KIF27: variants seen among roughly 807,000 people sequenced by gnomAD.
KIF27 encodes the protein kinesin-like protein KIF27.
KIF27 carries 84 observed loss-of-function variants against 141.8 expected under a neutral mutation model. That is an observed-to-expected ratio of 0.59 (90% CI 0.50 to 0.71). The LOEUF (loss-of-function observed/expected upper bound fraction) is 0.71, where lower values mean the gene tolerates loss of function less well. KIF27 is among the 30% of genes least tolerant of loss of function. KIF27 has a pLI of 0.00. For synonymous variants in KIF27, 471 were observed against 569.5 expected, an observed-to-expected ratio of 0.83 and a Z score of 2.46; for missense variants, 1,306 against 1,628.4, an observed-to-expected ratio of 0.80 and a Z score of 3.41.
intron 17 of KIF27, among the ~76,000 whole-genome samples, chr9:83,842,020 A>G (rs1473804156): frequency 6.6e-6 from 1 of 152,212 alleles, no homozygotes; most frequent in African/African-American, 2.4e-5. Flanking sequence ...CACATGGCAG[A>G]CAATCAATAA....
At chr9:83,858,218 C>T (rs907934989) in intron 14 of KIF27, 3 of 152,042 alleles carry the variant, frequency 2.0e-5, no homozygotes, top group African/African-American at 7.2e-5. Flanking sequence ...GCCACTTAGC[C>T]CCCAATCAAG....
intron 1 of KIF27, among the ~76,000 whole-genome samples, chr9:83,918,344 A>T (rs1588352569): frequency 9.0e-6 from 1 of 110,856 alleles, no homozygotes; most frequent in Non-Finnish European, 1.8e-5. Context: ...CAGGACAGGG[A>T]GGGAGAGGAG....
At chr9:83,911,944 C>T (rs930234357) in intron 2 of KIF27, among the ~76,000 whole-genome samples, 2 of 152,024 alleles carry the variant, frequency 1.3e-5, no homozygotes, top group South Asian at 2.1e-4. Flanking sequence ...GCTTCTGTTT[C>T]GGTGATGAAA....
chr9:83,888,710 G>A, intron 7 of KIF27, 118 bp from the exon 8 acceptor site: 1 of 520,112 alleles, frequency 1.9e-6, no homozygotes, highest in South Asian at 2.8e-5. Flanking sequence ...TATAAAAACA[G>A]AATGTTACTA....
chr9:83,892,447 A>C (rs903280904), intron 5 of KIF27, among the ~76,000 whole-genome samples: 2 of 152,150 alleles, frequency 1.3e-5, no homozygotes, highest in African/African-American at 2.4e-5. Flanking sequence ...GAGTAAAACT[A>C]TAACTTCTAA....
chr9:83,883,827 T>C lies in KIF27; in HGVS notation c.2431A>G (p.Lys811Glu), dbSNP rs540980899. The C allele has an allele frequency of 3.1e-6, 5 of 1,610,224 alleles. No individual in the cohort carries two copies. In the East Asian group the frequency reaches 1.1e-4, roughly 36 times the overall value. ...KEFRKKMDAA[K>E]LRVQVLQKKQ... Reference sequence around the variant, plus strand: ...TTTTAAATTACCTGAACTCTCAGCTTTGCAGCATCCATCTTTTTACGAAAC... The same window carrying C: ...TTTTAAATTACCTGAACTCTCAGCTCTGCAGCATCCATCTTTTTACGAAAC... Residue 811 changes from lysine (K) to glutamate (E), a missense_variant, in exon 10 of 18, where the codon AAG becomes GAG. By Grantham distance (56) the Lys-to-Glu change is moderately conservative (BLOSUM62 1). Coordinates refer to ENST00000297814, the MANE Select transcript of KIF27 (RefSeq NM_017576.4).
chr9:83,871,903 T>C (rs1049943034), intron 11 of KIF27, among the ~76,000 whole-genome samples: 3 of 151,442 alleles, frequency 2.0e-5, no homozygotes, highest in Non-Finnish European at 4.4e-5. Context: ...GGTTTTACCA[T>C]GTTGGCCAGG....
At chr9:83,864,697 G>C (rs1208055378) in intron 13 of KIF27, among the ~76,000 whole-genome samples, 8 of 152,162 alleles carry the variant, frequency 5.3e-5, no homozygotes, top group Admixed American at 5.2e-4. Flanking sequence ...GGTCTGCTTG[G>C]TGCAGAGCTG....
In KIF27 at chr9:83,850,230, A is replaced by C. The variant is rs1948387283; in HGVS notation, c.3425T>G (p.Leu1142Arg). 1.2e-6 allele frequency: 2 copies of C among 1,613,678 alleles called. No individual in the cohort carries two copies. Among genetic ancestry groups the C allele is most frequent in the African/African-American group, 1.3e-5 (1 of 75,038 alleles). Residue 1142 changes from leucine (L) to arginine (R), a missense_variant, in exon 16 of 18, where the codon CTG (leucine) becomes CGG (arginine). Physicochemically the swap from Leu to Arg is moderately radical, Grantham distance 102. Coordinates refer to ENST00000297814, the MANE Select transcript of KIF27 (RefSeq NM_017576.4). Reference sequence around the variant, plus strand: ...TTCACGAACCATATTATCCCGTTCCAGAACTTTCATTTTCATTTCTTCATT... The same window carrying C: ...TTCACGAACCATATTATCCCGTTCCCGAACTTTCATTTTCATTTCTTCATT... ...LYNEEMKMKV[L>R]ERDNMVRELE...
intron 2 of KIF27, among the ~76,000 whole-genome samples, 178 bp downstream of exon 2, chr9:83,915,116 T>C (rs1328274095): frequency 6.6e-6 from 1 of 152,240 alleles, no homozygotes; most frequent in Non-Finnish European, 1.5e-5. Context: ...TTAATGAAAC[T>C]TCAATATTTA....
intron 11 of KIF27, among the ~76,000 whole-genome samples, chr9:83,871,201 A>G (rs1950763599): frequency 6.6e-6 from 1 of 152,142 alleles, no homozygotes; most frequent in Admixed American, 6.5e-5. Flanking sequence ...GATTATAGGC[A>G]TAAGTCACCA....
At chr9:83,870,141 C>CTCTCTCTATCTATCTA (rs1554777740) in intron 12 of KIF27, among the ~76,000 whole-genome samples, 74 of 151,622 alleles carry the variant, frequency 4.9e-4, no homozygotes, top group African/African-American at 1.6e-3. Context: ...CTATCTATCT[C>CTCTCTCTATCTATCTA]TCTATCTATC....
chr9:83,851,655 C>T (rs1948603049), intron 15 of KIF27, among the ~76,000 whole-genome samples: 2 of 152,176 alleles, frequency 1.3e-5, no homozygotes. Context: ...CACACCCAGC[C>T]ATGTTATGCA....
At chr9:83,877,738 A>T (rs1415251520) in intron 11 of KIF27, among the ~76,000 whole-genome samples, 1 of 152,208 alleles carries the variant, frequency 6.6e-6, no homozygotes, top group Non-Finnish European at 1.5e-5. Flanking sequence ...AATAGGAAAA[A>T]ATATTTGGAA....
intron 13 of KIF27, among the ~76,000 whole-genome samples, chr9:83,866,460 T>C (rs1465055482): frequency 2.0e-5 from 3 of 152,108 alleles, no homozygotes; most frequent in Non-Finnish European, 4.4e-5. Flanking sequence ...CCATCTTTTC[T>C]TTTTTTGTAA....
At chr9:83,886,931 A>C in intron 9 of KIF27, 110 bp downstream of exon 9, 12 of 1,212,360 alleles carry the variant, frequency 9.9e-6, no homozygotes, top group African/African-American at 1.6e-5. Flanking sequence ...CACCAATCCA[A>C]GCTAAGTGGA....
chr9:83,916,626 T>A (rs1432700811), intron 1 of KIF27, among the ~76,000 whole-genome samples: 1 of 151,788 alleles, frequency 6.6e-6, no homozygotes, highest in Non-Finnish European at 1.5e-5. Flanking sequence ...AAAATATATA[T>A]AAACAAATAA....
chr9:83,917,356 T>C (rs142062280), intron 1 of KIF27, among the ~76,000 whole-genome samples: 76 of 152,320 alleles, frequency 5.0e-4, no homozygotes, highest in African/African-American at 1.8e-3. Context: ...CTCATGTTTA[T>C]GAATTGAAAG....
At chr9:83,869,571 C>T (rs1476272492) in intron 12 of KIF27, among the ~76,000 whole-genome samples, 1 of 151,932 alleles carries the variant, frequency 6.6e-6, no homozygotes, top group Admixed American at 6.6e-5. Context: ...ACTAAAAATA[C>T]AAAAAATTAG....
Sources: allele counts gnomAD v4.1 joint callset (sites outside exome capture counted in the v4.1 genomes callset), GRCh38; gene constraint gnomAD v4.1.1; transcripts MANE v1.5; gene names NCBI Gene and HGNC (gene_info 2026-07-23, HGNC 2026-07-21).